The following ADAMTSL3 variants were observed in gnomAD, a reference collection of about 807,000 sequenced individuals.
ADAMTSL3 encodes ADAMTS-like protein 3.
A neutral mutation model predicts 201.7 loss-of-function variants in ADAMTSL3; 128 were observed. That is an observed-to-expected ratio of 0.63 (90% CI 0.55 to 0.73). The LOEUF (loss-of-function observed/expected upper bound fraction) is 0.73. Among genes scored for constraint, ADAMTSL3 ranks in the 30% least tolerant of loss-of-function variants. The probability of loss-of-function intolerance (pLI) is 0.00; values close to 1 mark genes in which losing one functional copy is unlikely to be tolerated. For missense variants in ADAMTSL3, 1,990 were observed against 2,119.6 expected (o/e 0.94, Z 1.20); for synonymous variants, 738 against 748.4 (o/e 0.99, Z 0.23).
intron 7 of ADAMTSL3, among the ~76,000 whole-genome samples, chr15:83,843,055 C>T (rs75598238): frequency 0.025 from 3,807 of 152,246 alleles, 167 homozygotes; most frequent in African/African-American, 0.086. Flanking sequence ...CTCTCTCTCT[C>T]TGTCTCTTGA....
At chr15:83,686,585 G>C (rs1473104695) in intron 2 of ADAMTSL3, among the ~76,000 whole-genome samples, 2 of 152,154 alleles carry the variant, frequency 1.3e-5, no homozygotes, top group Non-Finnish European at 2.9e-5. Flanking sequence ...GTTTGAGGTT[G>C]GTGGCAGAGC....
intron 3 of ADAMTSL3, among the ~76,000 whole-genome samples, chr15:83,750,018 G>A (rs1200385407): frequency 1.3e-5 from 2 of 152,206 alleles, no homozygotes; most frequent in African/African-American, 2.4e-5. Flanking sequence ...TTGAAGACTA[G>A]TGTAGTGTGA....
intron 17 of ADAMTSL3, among the ~76,000 whole-genome samples, chr15:83,939,604 G>A (rs1437767329): frequency 3.4e-5 from 5 of 148,330 alleles, no homozygotes; most frequent in African/African-American, 2.5e-5. Flanking sequence ...TATTAATCTT[G>A]TTGGTCTTTT....
intron 5 of ADAMTSL3, among the ~76,000 whole-genome samples, chr15:83,806,420 G>A (rs2063603342): frequency 6.6e-6 from 1 of 152,192 alleles, no homozygotes; most frequent in Admixed American, 6.5e-5. Flanking sequence ...CCCAACTACT[G>A]TGTCCACCCA....
intron 19 of ADAMTSL3, among the ~76,000 whole-genome samples, chr15:83,957,075 T>C (rs2066877195): frequency 6.6e-6 from 1 of 152,214 alleles, no homozygotes; most frequent in Non-Finnish European, 1.5e-5. Context: ...GGGAAACGTT[T>C]AAGTCTGCCT....
intron 9 of ADAMTSL3, among the ~76,000 whole-genome samples, chr15:83,880,404 C>T (rs939578852): frequency 6.6e-6 from 1 of 152,166 alleles, no homozygotes; most frequent in African/African-American, 2.4e-5. Flanking sequence ...TTTATCAGAA[C>T]AGCCACCCCT....
chr15:83,837,939 T>C, intron 6 of ADAMTSL3, 150 bp from the exon 7 acceptor site: 3 of 904,868 alleles, frequency 3.3e-6, no homozygotes, highest in Non-Finnish European at 4.7e-6. Context: ...TGTAAGACAT[T>C]ATATTATTTA....
At chr15:83,813,456 C>G (rs1367434019) in intron 5 of ADAMTSL3, among the ~76,000 whole-genome samples, 3 of 152,158 alleles carry the variant, frequency 2.0e-5, no homozygotes, top group African/African-American at 7.2e-5. Context: ...ATCAAATGTT[C>G]TTTTGTTATG....
rs1337731803 is a variant in ADAMTSL3 at position 83,747,687 on chromosome 15, G to C, written c.190-25836G>C. 2.0e-5 allele frequency among the ~76,000 whole-genome samples: 3 copies of C among 152,160 alleles called. No homozygotes were observed. The East Asian group carries it at 5.8e-4, about 29-fold the overall frequency. On this transcript the variant is annotated intron_variant, in intron 3 of 29. Transcript: ENST00000286744. ...AATTTGGCCCTAACTGTTCATCATA[G>C]GTCCTTGTTTACTTTTTGTCTACTT...
At chr15:83,836,481 A>G (rs2064271118) in intron 6 of ADAMTSL3, among the ~76,000 whole-genome samples, 1 of 152,130 alleles carries the variant, frequency 6.6e-6, no homozygotes, top group African/African-American at 2.4e-5. Flanking sequence ...TCAACACCAA[A>G]ATGTTGGAAA....
At chr15:83,684,880 G>A (rs999348779) in intron 2 of ADAMTSL3, among the ~76,000 whole-genome samples, 95 of 152,196 alleles carry the variant, frequency 6.2e-4, no homozygotes, top group African/African-American at 2.0e-3. Flanking sequence ...ATTGCTGGGG[G>A]AAATGATACA....
chr15:84,019,807 G>A lies in ADAMTSL3; in HGVS notation c.4274-1603G>A, dbSNP rs114308922. Among the ~76,000 whole-genome samples, 712 of 149,728 alleles carry A rather than the reference G, an allele frequency of 4.8e-3. 5 individuals carry two copies. Among genetic ancestry groups the A allele is most frequent in the African/African-American group, 0.014 (588 of 40,772 alleles). ...CTCAGGAGGCTGAGGCAGGAGAATC[G>A]CTTGAACCTGGGGAGGCAGAGGCAG... On this transcript the variant is annotated intron_variant, in intron 25 of 29. Coordinates refer to ENST00000286744, the MANE Select transcript of ADAMTSL3 (RefSeq NM_207517.3).
At chr15:83,735,626 A>AT (rs74603281) in intron 3 of ADAMTSL3, among the ~76,000 whole-genome samples, 2 of 150,734 alleles carry the variant, frequency 1.3e-5, no homozygotes, top group African/African-American at 2.4e-5. Flanking sequence ...AAAGCATACA[A>AT]TTTTTTTGCT....
intron 20 of ADAMTSL3, among the ~76,000 whole-genome samples, chr15:83,971,914 A>G (rs1484000586): frequency 1.3e-5 from 2 of 148,348 alleles, no homozygotes; most frequent in Non-Finnish European, 3.0e-5. Flanking sequence ...TTTTATATAT[A>G]TGTTATATAT....
intron 3 of ADAMTSL3, among the ~76,000 whole-genome samples, chr15:83,765,676 A>G (rs535503888): frequency 6.6e-6 from 1 of 152,308 alleles, no homozygotes; most frequent in South Asian, 2.1e-4. Context: ...TACCAACCCT[A>G]TTATATAATG....
intron 3 of ADAMTSL3, among the ~76,000 whole-genome samples, chr15:83,767,802 C>T (rs767522965): frequency 6.6e-6 from 1 of 152,220 alleles, no homozygotes; most frequent in African/African-American, 2.4e-5. Context: ...TAACATTAAA[C>T]TGTGTTCACA....
intron 2 of ADAMTSL3, among the ~76,000 whole-genome samples, chr15:83,669,034 CTAT>C (rs2061287580): frequency 6.6e-6 from 1 of 152,240 alleles, no homozygotes; most frequent in African/African-American, 2.4e-5. Flanking sequence ...TCCTTACCTA[CTAT>C]GAGGCCAGAG....
At chr15:83,815,175 ATTAC>A (rs2063753831) in intron 5 of ADAMTSL3, among the ~76,000 whole-genome samples, 1 of 151,836 alleles carries the variant, frequency 6.6e-6, no homozygotes, top group Admixed American at 6.6e-5. Context: ...CTTCCTTTTT[ATTAC>A]TTCTATCAGG....
intron 6 of ADAMTSL3, among the ~76,000 whole-genome samples, chr15:83,821,213 TCTTTC>T (rs1366208417): frequency 4.6e-5 from 7 of 152,202 alleles, no homozygotes; most frequent in African/African-American, 1.4e-4. Flanking sequence ...GTTATTTTAT[TCTTTC>T]CTTTCACTTA....
Sources: gnomAD v4.1 joint callset for allele counts (sites outside exome capture counted in the v4.1 genomes callset) on GRCh38, gnomAD v4.1.1 for gene constraint, MANE v1.5 for transcripts, NCBI Gene and HGNC (gene_info 2026-07-23, HGNC 2026-07-21) for gene names.